The following PDE4D variants were observed in gnomAD, a reference collection of about 807,000 sequenced individuals.
PDE4D encodes the protein 3',5'-cyclic-AMP phosphodiesterase 4D.
Under a neutral mutation model 87.4 loss-of-function variants are expected in PDE4D, and 24 were observed. The observed-to-expected ratio is 0.27, with a 90% confidence interval of 0.20 to 0.39. PDE4D has a LOEUF of 0.39. Ranked by LOEUF, PDE4D falls within the 10% of genes least tolerant of loss-of-function variation. The probability of loss-of-function intolerance (pLI) is 1.00; values close to 1 mark genes in which losing one functional copy is unlikely to be tolerated. For synonymous variants in PDE4D, 384 were observed against 383.2 expected (o/e 1.00, Z -0.02); for missense variants, 714 against 1,041.0 (o/e 0.69, Z 4.32).
At chr5:60,042,470 T>C (rs1177632389) in intron 2 of PDE4D, among the ~76,000 whole-genome samples, 1 of 152,188 alleles carries the variant, frequency 6.6e-6, no homozygotes, top group East Asian at 1.9e-4. Flanking sequence ...CTTCCTCAAA[T>C]GGGTCCCTCA....
At chr5:60,226,789 A>G (rs1464214610) in intron 1 of PDE4D, among the ~76,000 whole-genome samples, 1 of 151,726 alleles carries the variant, frequency 6.6e-6, no homozygotes, top group Non-Finnish European at 1.5e-5. Flanking sequence ...TTCCAGTCCC[A>G]AGCCATCCTT....
intron 5 of PDE4D, among the ~76,000 whole-genome samples, chr5:59,107,940 A>T (rs1043727131): frequency 1.3e-5 from 2 of 152,198 alleles, no homozygotes; most frequent in Non-Finnish European, 2.9e-5. Flanking sequence ...AAAAGCCATG[A>T]GACTACATGA....
chr5:59,364,049 T>G (rs2153594728), intron 1 of PDE4D, among the ~76,000 whole-genome samples: 1 of 152,318 alleles, frequency 6.6e-6, no homozygotes, highest in Middle Eastern at 3.4e-3. Flanking sequence ...ACAATAGAAA[T>G]CCAGATGTTT....
intron 2 of PDE4D, among the ~76,000 whole-genome samples, chr5:59,197,254 T>A (rs775097724): frequency 6.6e-6 from 1 of 152,204 alleles, no homozygotes; most frequent in African/African-American, 2.4e-5. Context: ...ATAAGTATTA[T>A]AAGTAATACA....
chr5:59,672,516 G>A (rs1217176779), intron 1 of PDE4D, among the ~76,000 whole-genome samples: 2 of 152,234 alleles, frequency 1.3e-5, no homozygotes, highest in East Asian at 3.9e-4. Context: ...ATTATAATTT[G>A]CTTGATGCAC....
At chr5:59,771,470 A>AGAG (rs1491378347) in intron 1 of PDE4D, among the ~76,000 whole-genome samples, 16 of 92,418 alleles carry the variant, frequency 1.7e-4, no homozygotes, top group African/African-American at 7.4e-4. Context: ...AGAAAGAAAG[A>AGAG]AAGAAAGAAA....
At chr5:59,717,422 T>C (rs1420216439) in intron 1 of PDE4D, among the ~76,000 whole-genome samples, 1 of 152,226 alleles carries the variant, frequency 6.6e-6, no homozygotes, top group Non-Finnish European at 1.5e-5. Context: ...ACCTTATCTT[T>C]ATTTCTTATA....
intron 1 of PDE4D, among the ~76,000 whole-genome samples, chr5:60,355,897 G>A (rs1759578961): frequency 6.6e-6 from 1 of 152,040 alleles, no homozygotes; most frequent in African/African-American, 2.4e-5. Flanking sequence ...CTGTCTCAGG[G>A]GTAGCAGAGC....
chr5:58,988,285 G>A (rs928283004), intron 11 of PDE4D, among the ~76,000 whole-genome samples: 1 of 151,852 alleles, frequency 6.6e-6, no homozygotes, highest in African/African-American at 2.4e-5. Context: ...AAAGAGAACT[G>A]GAACACATTT....
At chr5:59,002,218 C>A (rs10073507) in intron 6 of PDE4D, among the ~76,000 whole-genome samples, 15,565 of 152,156 alleles carry the variant, frequency 0.1, 1,044 homozygotes, top group Non-Finnish European at 0.13. Flanking sequence ...GTACTGAGAA[C>A]AAGAATTGCA....
intron 2 of PDE4D, among the ~76,000 whole-genome samples, chr5:60,065,567 C>T (rs1488379938): frequency 6.6e-6 from 1 of 152,006 alleles, no homozygotes; most frequent in African/African-American, 2.4e-5. Flanking sequence ...AGGTATATCT[C>T]CTAATGCTAT....
chr5:60,354,335 G>A (rs1327734856), intron 1 of PDE4D, among the ~76,000 whole-genome samples: 1 of 152,138 alleles, frequency 6.6e-6, no homozygotes, highest in African/African-American at 2.4e-5. Context: ...AAATGGCAAG[G>A]CACACTATCA....
At chr5:59,594,169 A>C (rs1052832519) in intron 1 of PDE4D, among the ~76,000 whole-genome samples, 1 of 151,752 alleles carries the variant, frequency 6.6e-6, no homozygotes, top group Non-Finnish European at 1.5e-5. Flanking sequence ...AACCTGAAAA[A>C]CACTTAGGAG....
At position 59,612,686 on chromosome 5, in the gene PDE4D, A is replaced by G. The variant is rs78000538; in HGVS notation, c.455+280482T>C. 3.1e-3 allele frequency among the ~76,000 whole-genome samples: 475 copies of G among 152,346 alleles called. 6 individuals are homozygous for G. The highest frequency in any genetic ancestry group is 0.011 in the African/African-American group (439 of 41,588). ...TGCCAGGAACAGGCATGGTGAAGAT[A>G]TAATTATTAAAAACAAAATAAAAGG... is the stretch of plus-strand genomic sequence containing the variant. On this transcript the variant is annotated intron_variant, in intron 1 of 14. Coordinates refer to ENST00000340635, the MANE Select transcript of PDE4D (RefSeq NM_001104631.2).
intron 1 of PDE4D, among the ~76,000 whole-genome samples, chr5:60,359,787 C>T (rs904707296): frequency 1.3e-5 from 2 of 152,168 alleles, no homozygotes; most frequent in African/African-American, 2.4e-5. Context: ...ATTATGGAAT[C>T]ATTTGGTAAA....
chr5:59,067,583 A>G (rs991831202), intron 5 of PDE4D, among the ~76,000 whole-genome samples: 2 of 152,198 alleles, frequency 1.3e-5, no homozygotes, highest in Non-Finnish European at 2.9e-5. Context: ...GCATGGATGA[A>G]TAAACCAAAC....
At chr5:60,244,339 T>C (rs1429593650) in intron 1 of PDE4D, among the ~76,000 whole-genome samples, 1 of 151,994 alleles carries the variant, frequency 6.6e-6, no homozygotes, top group African/African-American at 2.4e-5. Context: ...GTTCATGGAC[T>C]GGAAGAATGA....
At chr5:60,057,705 A>G (rs1770930078) in intron 2 of PDE4D, among the ~76,000 whole-genome samples, 1 of 152,054 alleles carries the variant, frequency 6.6e-6, no homozygotes, top group Non-Finnish European at 1.5e-5. Context: ...TGTAAATATA[A>G]TACTGGATTC....
chr5:60,198,394 G>A (rs2962973), intron 1 of PDE4D, among the ~76,000 whole-genome samples: 102,179 of 151,074 alleles, frequency 0.68, 36,122 homozygotes, highest in African/African-American at 0.76. Flanking sequence ...TGGAATATTA[G>A]GTTTTGGAAT....
Sources: gnomAD v4.1 joint callset for allele counts (sites outside exome capture counted in the v4.1 genomes callset) on GRCh38, gnomAD v4.1.1 for gene constraint, MANE v1.5 for transcripts, NCBI Gene and HGNC (gene_info 2026-07-23, HGNC 2026-07-21) for gene names.